The following CACNA1C variants were observed in gnomAD, a reference collection of about 807,000 sequenced individuals.
CACNA1C encodes calcium voltage-gated channel subunit alpha1 C, also known as voltage-dependent L-type calcium channel subunit alpha-1C.
CACNA1C carries 30 observed loss-of-function variants against 229.0 expected under a neutral mutation model. The observed-to-expected ratio is 0.13, with a 90% confidence interval of 0.10 to 0.18. CACNA1C has a LOEUF of 0.18. Ranked by LOEUF, CACNA1C falls within the 10% of genes least tolerant of loss-of-function variation. The probability of loss-of-function intolerance (pLI) is 1.00; values close to 1 mark genes in which losing one functional copy is unlikely to be tolerated. For missense variants in CACNA1C, 1,658 were observed against 2,845.0 expected (o/e 0.58, Z 9.49); for synonymous variants, 1,114 against 1,132.5 (o/e 0.98, Z 0.33).
chr12:2,378,992 A>G (rs937645451), intron 3 of CACNA1C, among the ~76,000 whole-genome samples: 1 of 152,232 alleles, frequency 6.6e-6, no homozygotes, highest in African/African-American at 2.4e-5. Context: ...GTGAGAAACC[A>G]CAGGAGGGAA....
chr12:2,455,338 A>G (rs1237752068), intron 4 of CACNA1C, among the ~76,000 whole-genome samples: 1 of 148,372 alleles, frequency 6.7e-6, no homozygotes, highest in Non-Finnish European at 1.5e-5. Flanking sequence ...CTGCATTGCA[A>G]TAATAATAAT....
At chr12:2,371,919 C>A (rs2097879843) in intron 3 of CACNA1C, among the ~76,000 whole-genome samples, 1 of 152,020 alleles carries the variant, frequency 6.6e-6, no homozygotes, top group Non-Finnish European at 1.5e-5. Context: ...CAATTTTCTT[C>A]CTTCCCCTCT....
chr12:2,697,618 T>C lies in CACNA1C; in HGVS notation c.*6419T>C, dbSNP rs935441629. The C allele has an allele frequency of 2.0e-5, 3 of 152,080 alleles. No individual in the cohort carries two copies. Among genetic ancestry groups the C allele is most frequent in the Admixed American group, 2.0e-4 (3 of 15,274 alleles). The allele number at this position is 152,080 out of a possible 1,614,324, so 9.4% of individuals were successfully genotyped here. A position where few individuals can be genotyped will look rare whatever the true frequency, so the allele number is the denominator to read the frequency against. On this transcript the variant is annotated 3_prime_UTR_variant, in exon 47 of 47. Transcript: ENST00000399655. ...AGAAAGATGGGCAGTGCCTCCGTTG[T>C]CACCATTCCCCACACCCCTACACAC...
At chr12:2,583,327 C>T (rs924610486) in intron 15 of CACNA1C, among the ~76,000 whole-genome samples, 5 of 152,236 alleles carry the variant, frequency 3.3e-5, no homozygotes, top group African/African-American at 9.6e-5. Context: ...GAGGATGAGC[C>T]GTTGTCCTTC....
intron 4 of CACNA1C, 58 bp from the exon 5 acceptor site, chr12:2,457,509 C>G: frequency 6.4e-7 from 1 of 1,568,410 alleles, no homozygotes; most frequent in Non-Finnish European, 8.7e-7. Context: ...GGTCAGAGCC[C>G]CAGCTGGGCA....
intron 3 of CACNA1C, among the ~76,000 whole-genome samples, chr12:2,168,226 A>C (rs2096324986): frequency 6.6e-6 from 1 of 152,246 alleles, no homozygotes; most frequent in African/African-American, 2.4e-5. Context: ...TAATCTTAAG[A>C]GTAAAATGAT....
At chr12:2,211,414 C>T (rs1410975759) in intron 3 of CACNA1C, among the ~76,000 whole-genome samples, 2 of 152,178 alleles carry the variant, frequency 1.3e-5, no homozygotes, top group Non-Finnish European at 2.9e-5. Context: ...GGAGTATGTC[C>T]GTGGACTCTA....
At chr12:2,553,697 G>T (rs2042565417) in intron 10 of CACNA1C, among the ~76,000 whole-genome samples, 1 of 152,176 alleles carries the variant, frequency 6.6e-6, no homozygotes, top group South Asian at 2.1e-4. Context: ...GCGGTGTGGA[G>T]TCTGTGTGGT....
intron 3 of CACNA1C, among the ~76,000 whole-genome samples, chr12:2,191,311 T>C (rs1241624158): frequency 6.6e-6 from 1 of 152,118 alleles, no homozygotes; most frequent in African/African-American, 2.4e-5. Context: ...GCAGCGTGGC[T>C]CTGGGCTTGG....
chr12:2,605,323 G>A lies in CACNA1C; in HGVS notation c.3048+155G>A, dbSNP rs535282182. Among the ~76,000 whole-genome samples the A allele has an allele frequency of 1.3e-4, 20 of 152,166 alleles. No individual in the cohort carries two copies. The highest frequency in any genetic ancestry group is 3.9e-4 in the Admixed American group (6 of 15,286). ...TGGTCCCACTGCATGTCCCGGTTCC[G>A]TAATGAACAGAATAGTAACAGAGGC... On this transcript the variant is annotated intron_variant, in intron 23 of 46. Transcript: ENST00000399655. The surrounding 1 kb of genome is among the most constrained non-coding windows in gnomAD (Gnocchi z 6.2).
rs567697833 is a variant in CACNA1C at position 2,688,840 on chromosome 12, C to T, written c.6117+61C>T. On this transcript the variant is annotated intron_variant, in intron 46 of 46. Transcript: ENST00000399655. ...ACGGGCAACAAGGGGACTTGGCATGCGGGGCTGAGAAGGGAGCACCTGGCT... is the reference window on the plus strand; with the variant it reads ...ACGGGCAACAAGGGGACTTGGCATGTGGGGCTGAGAAGGGAGCACCTGGCT... 1.9e-3 allele frequency: 2,466 copies of T among 1,327,652 alleles called. 3 individuals carry two copies. The highest frequency in any genetic ancestry group is 2.3e-3 in the Non-Finnish European group (2,290 of 996,350). 82.2% of individuals were successfully genotyped at this position (1,327,652 alleles called of 1,614,324 possible).
At chr12:2,429,745 T>C (rs2099065112) in intron 3 of CACNA1C, among the ~76,000 whole-genome samples, 1 of 152,190 alleles carries the variant, frequency 6.6e-6, no homozygotes, top group Non-Finnish European at 1.5e-5. Context: ...CCAGTCCCTC[T>C]GCTCACTCCC....
At chr12:2,102,853 C>G (rs2076938399) in intron 1 of CACNA1C, among the ~76,000 whole-genome samples, 1 of 152,204 alleles carries the variant, frequency 6.6e-6, no homozygotes, top group African/African-American at 2.4e-5. Context: ...TCTGTTCTTG[C>G]ACTAGTTTGC....
chr12:2,205,439 T>C (rs1477509931), intron 3 of CACNA1C, among the ~76,000 whole-genome samples: 7 of 152,240 alleles, frequency 4.6e-5, no homozygotes, highest in Non-Finnish European at 1.0e-4. Flanking sequence ...AAGTCTGCTT[T>C]AGACTCCTAT....
intron 9 of CACNA1C, 139 bp from the exon 10 acceptor site, chr12:2,549,804 C>T (rs973881303): frequency 7.4e-6 from 5 of 672,074 alleles, no homozygotes; most frequent in South Asian, 5.1e-5. Context: ...CTGTGCAGAT[C>T]AGCCAGCCAG....
At chr12:2,252,025 G>A (rs983308549) in intron 3 of CACNA1C, among the ~76,000 whole-genome samples, 1 of 152,246 alleles carries the variant, frequency 6.6e-6, no homozygotes, top group Non-Finnish European at 1.5e-5. Flanking sequence ...TGAGCATGGT[G>A]GATGGAGTTT....
At chr12:2,495,357 G>A (rs2099744572) in intron 7 of CACNA1C, among the ~76,000 whole-genome samples, 1 of 152,184 alleles carries the variant, frequency 6.6e-6, no homozygotes, top group Non-Finnish European at 1.5e-5. Flanking sequence ...TGATTGTGTG[G>A]GACTGTGCTT....
intron 3 of CACNA1C, among the ~76,000 whole-genome samples, chr12:2,336,847 C>G (rs1316450384): frequency 6.6e-6 from 1 of 152,040 alleles, no homozygotes; most frequent in Non-Finnish European, 1.5e-5. Context: ...GAGAAAGGAG[C>G]GAGTGGAGTG....
chr12:2,345,676 T>G (rs894552171), intron 3 of CACNA1C, among the ~76,000 whole-genome samples: 2 of 152,090 alleles, frequency 1.3e-5, no homozygotes, highest in Admixed American at 1.3e-4. Flanking sequence ...GTGACTTTTG[T>G]CTCCTTATGC....
Sources: allele counts gnomAD v4.1 joint callset (sites outside exome capture counted in the v4.1 genomes callset), GRCh38; gene constraint gnomAD v4.1.1; non-coding constraint Gnocchi (gnomAD v3.1); transcripts MANE v1.5; gene names NCBI Gene and HGNC (gene_info 2026-07-23, HGNC 2026-07-21).